The following DNAH14 variants were observed in gnomAD, a reference collection of about 807,000 sequenced individuals.
DNAH14 encodes the protein dynein axonemal heavy chain 14.
Under a neutral mutation model 520.9 loss-of-function variants are expected in DNAH14, and 478 were observed. That is an observed-to-expected ratio of 0.92 (90% CI 0.85 to 0.99). The LOEUF (loss-of-function observed/expected upper bound fraction) is 0.99. Ranked by LOEUF, DNAH14 falls within the 50% of genes least tolerant of loss-of-function variation. The pLI is 0.00. For missense variants in DNAH14, 4,831 were observed against 5,234.5 expected (o/e 0.92, Z 2.38); for synonymous variants, 1,581 against 1,757.2 (o/e 0.90, Z 2.51).
rs1558429595 is a variant in DNAH14, at chr1:225,335,454, T to C, written c.10081-1812T>C. Among the ~76,000 whole-genome samples the C allele has an allele frequency of 1.5e-5, 2 of 130,514 alleles. 1 individual carries two copies. Among genetic ancestry groups the C allele is most frequent in the Admixed American group, 1.6e-4 (2 of 12,300 alleles). The allele number at this position is 130,514 out of a possible 152,430, so 85.6% of individuals were successfully genotyped here. On this transcript the variant is annotated intron_variant, in intron 66 of 85. Transcript: ENST00000682510. The stretch of plus-strand genomic sequence containing the variant: ...GTGTACATGTGTGTGTATGCACATA[T>C]GCACGTGTGTACATGTGTGTGTATG...
intron 10 of DNAH14, among the ~76,000 whole-genome samples, chr1:225,009,357 A>G (rs55761817): frequency 0.055 from 8,372 of 152,252 alleles, 471 homozygotes; most frequent in East Asian, 0.24. Context: ...TTAGTTAAAT[A>G]GGGAATCCTT....
In DNAH14 at chr1:225,259,228, T is replaced by C. The variant is rs2092846959; in HGVS notation, c.7132T>C (p.Leu2378=). The C allele has an allele frequency of 1.3e-6, 2 of 1,511,112 alleles. No homozygotes were observed. Among genetic ancestry groups the C allele is most frequent in the South Asian group, 1.3e-5 (1 of 78,180 alleles). 93.6% of individuals were successfully genotyped at this position (1,511,112 alleles called of 1,614,324 possible). ...KHGSILGDTL[L]YSEIKKSSSL... is the part of the protein sequence containing the mutation. Reference sequence around the variant, plus strand: ...TGGTTCAATTTTAGGAGACACCCTATTATATAGTGAAATAAAAAAATCAAG... The same window carrying C: ...TGGTTCAATTTTAGGAGACACCCTACTATATAGTGAAATAAAAAAATCAAG... The change falls in exon 46 of 86, where the codon TTA becomes CTA. Residue 2378 remains leucine (L), a synonymous_variant. Coordinates refer to ENST00000682510, the MANE Select transcript of DNAH14 (RefSeq NM_001367479.1).
rs1410203424 is a variant in DNAH14 at position 225,204,720 on chromosome 1, G to A, written c.5977+447G>A. 5.3e-5 allele frequency among the ~76,000 whole-genome samples: 8 copies of A among 152,280 alleles called. No individual in the cohort carries two copies. The East Asian group carries it at 1.2e-3, about 22-fold the overall frequency. The stretch of plus-strand genomic sequence containing the variant: ...GCCAGACACTTTACTATGTGCCAGT[G>A]GGACAAAATATGTATATGACCTTGT... On this transcript the variant is annotated intron_variant, in intron 39 of 85. Coordinates refer to ENST00000682510, the MANE Select transcript of DNAH14 (RefSeq NM_001367479.1).
In DNAH14 at chr1:224,952,791, A is replaced by T. The variant is rs367747039; in HGVS notation, c.77+12A>T. 4 of 1,558,188 alleles carry T rather than the reference A, an allele frequency of 2.6e-6. No homozygotes were observed. The African/African-American group carries it at 4.2e-5, about 16-fold the overall frequency. On this transcript the variant is annotated intron_variant, in intron 2 of 85. Coordinates refer to ENST00000682510, the MANE Select transcript of DNAH14 (RefSeq NM_001367479.1). ...AAGACAAAACCAAGGTAAAAGTAAGATAAAATATAATGAGTTTTTTTCTAA... is the reference window on the plus strand; with the variant it reads ...AAGACAAAACCAAGGTAAAAGTAAGTTAAAATATAATGAGTTTTTTTCTAA...
At chr1:225,161,054 G>A (rs951324532) in intron 35 of DNAH14, among the ~76,000 whole-genome samples, 2 of 152,032 alleles carry the variant, frequency 1.3e-5, no homozygotes, top group African/African-American at 4.8e-5. Flanking sequence ...CAGATATGTA[G>A]GAATTTCATA....
At chr1:225,079,654 T>C (rs1322236012) in intron 18 of DNAH14, 106 bp downstream of exon 18, 3 of 785,558 alleles carry the variant, frequency 3.8e-6, no homozygotes, top group Non-Finnish European at 5.8e-6. Context: ...TTTGGCTAAA[T>C]AGTTTAATAC....
At chr1:225,340,784 G>A (rs16844711) in intron 69 of DNAH14, 83 bp downstream of exon 69, 123,159 of 1,419,938 alleles carry the variant, frequency 0.087, 6,836 homozygotes, top group East Asian at 0.27. Context: ...TTGAATTTGA[G>A]CCAAAAATAC....
chr1:225,277,770 A>G (rs1558245156), intron 54 of DNAH14, among the ~76,000 whole-genome samples: 2 of 152,220 alleles, frequency 1.3e-5, no homozygotes, highest in African/African-American at 2.4e-5. Context: ...AGCTGTGCAG[A>G]TGGATCCTGA....
intron 8 of DNAH14, among the ~76,000 whole-genome samples, chr1:224,997,746 C>T (rs547871295): frequency 1.3e-5 from 2 of 150,978 alleles, no homozygotes; most frequent in Non-Finnish European, 3.0e-5. Context: ...TTCAGATTAT[C>T]GATTTTTTAA....
chr1:225,002,956 A>G (rs1431467116), intron 9 of DNAH14, 29 bp downstream of exon 9: 1 of 1,467,720 alleles, frequency 6.8e-7, no homozygotes, highest in South Asian at 1.4e-5. Context: ...CTATAAGCTA[A>G]TATTGGTATA....
At chr1:225,350,461 T>C (rs923608070) in intron 71 of DNAH14, among the ~76,000 whole-genome samples, 11 of 151,662 alleles carry the variant, frequency 7.3e-5, no homozygotes, top group African/African-American at 2.7e-4. Context: ...TAAACAAAAC[T>C]AAAGGTTGGT....
At chr1:225,139,792 C>T (rs2079267428) in intron 27 of DNAH14, among the ~76,000 whole-genome samples, 1 of 152,196 alleles carries the variant, frequency 6.6e-6, no homozygotes. Flanking sequence ...GTCTCAAGGG[C>T]AGCAGTACTG....
intron 38 of DNAH14, among the ~76,000 whole-genome samples, chr1:225,195,259 A>T (rs977017211): frequency 6.6e-6 from 1 of 152,190 alleles, no homozygotes; most frequent in Non-Finnish European, 1.5e-5. Context: ...GAATTAACCT[A>T]GATGCCCATC....
intron 60 of DNAH14, among the ~76,000 whole-genome samples, chr1:225,310,029 T>TAATA (rs968913445): frequency 4.7e-5 from 7 of 150,340 alleles, no homozygotes; most frequent in African/African-American, 1.5e-4. Flanking sequence ...AGTATAATAA[T>TAATA]AATAAATAAA....
intron 41 of DNAH14, among the ~76,000 whole-genome samples, chr1:225,209,756 C>G (rs1452206578): frequency 6.6e-6 from 1 of 152,100 alleles, no homozygotes; most frequent in Non-Finnish European, 1.5e-5. Context: ...CCAGCGAGAT[C>G]AACGCAGAAG....
In DNAH14 at chr1:225,346,023, C is replaced by G. The variant is rs753592052; in HGVS notation, c.10740C>G (p.Asn3580Lys). 1 of 1,551,460 alleles carries G rather than the reference C, an allele frequency of 6.4e-7. No homozygotes were observed. Among genetic ancestry groups the G allele is most frequent in the East Asian group, 2.4e-5 (1 of 40,908 alleles). The change falls in exon 70 of 86, where the codon AAC becomes AAG. Residue 3580 changes from asparagine to lysine, a missense_variant. Asn to Lys is a moderately conservative substitution (Grantham distance 94). Coordinates refer to ENST00000682510, the MANE Select transcript of DNAH14 (RefSeq NM_001367479.1). ...TAAGAAAATCCAAAATGACATCAAA[C>G]GAAATTTCAAAGCGCATCGAAGCAA... ...DTLRKSKMTS[N>K]EISKRIEATK...
chr1:225,102,079 C>G, intron 23 of DNAH14, among the ~76,000 whole-genome samples: 1 of 141,102 alleles, frequency 7.1e-6, no homozygotes, highest in East Asian at 2.1e-4. Context: ...TATGATGTTC[C>G]CCTTCCTGTG....
At chr1:225,339,443 G>A (rs1237405051) in intron 68 of DNAH14, among the ~76,000 whole-genome samples, 5 of 152,122 alleles carry the variant, frequency 3.3e-5, no homozygotes, top group Non-Finnish European at 7.4e-5. Flanking sequence ...TGGGCTAAAG[G>A]TAACAGTCCT....
At chr1:225,261,320 C>T (rs2092927864) in intron 46 of DNAH14, among the ~76,000 whole-genome samples, 1 of 152,040 alleles carries the variant, frequency 6.6e-6, no homozygotes, top group African/African-American at 2.4e-5. Flanking sequence ...TCCTTCTATA[C>T]CTAAGTTGTT....
Sources: gnomAD v4.1 joint callset for allele counts (sites outside exome capture counted in the v4.1 genomes callset) on GRCh38, gnomAD v4.1.1 for gene constraint, MANE v1.5 for transcripts, NCBI Gene and HGNC (gene_info 2026-07-23, HGNC 2026-07-21) for gene names.